CATSPER3: variants seen among roughly 807,000 people sequenced by gnomAD.
CATSPER3 encodes the protein cation channel sperm associated 3.
A neutral mutation model predicts 36.6 loss-of-function variants in CATSPER3; 23 were observed. The ratio of observed to expected loss-of-function variants is 0.63; its 90% CI spans 0.45 to 0.89. The LOEUF (loss-of-function observed/expected upper bound fraction) is 0.89. Ranked by LOEUF, CATSPER3 falls within the 40% of genes least tolerant of loss-of-function variation. The pLI, the probability that CATSPER3 is intolerant of heterozygous loss-of-function variation, is 0.00. For synonymous variants in CATSPER3, 172 were observed against 184.1 expected (o/e 0.93, Z 0.53); for missense variants, 474 against 503.9 (o/e 0.94, Z 0.57).
chr5:134,996,164 C>T, intron 2 of CATSPER3, 109 bp from the exon 3 acceptor site: 1 of 1,378,026 alleles, frequency 7.3e-7, no homozygotes, highest in Non-Finnish European at 1.0e-6. Flanking sequence ...GTTTCTCTCT[C>T]ATGTGGGTGA....
chr5:135,008,621 T>G (rs957174886), intron 4 of CATSPER3, among the ~76,000 whole-genome samples: 3 of 152,162 alleles, frequency 2.0e-5, no homozygotes, highest in African/African-American at 7.2e-5. Flanking sequence ...AAAAGAGACC[T>G]CGAGGCATGT....
At chr5:134,977,242 C>T (rs565693677) in intron 2 of CATSPER3, among the ~76,000 whole-genome samples, 24 of 152,324 alleles carry the variant, frequency 1.6e-4, no homozygotes, top group Non-Finnish European at 3.2e-4. Context: ...TACTGTGCTT[C>T]CCTTTTAAAT....
chr5:134,979,333 C>T (rs937623991), intron 2 of CATSPER3, among the ~76,000 whole-genome samples: 5 of 152,076 alleles, frequency 3.3e-5, no homozygotes, highest in South Asian at 2.1e-4. Flanking sequence ...GATGGGGTCT[C>T]GCTATGCTGC....
chr5:135,002,700 A>G (rs1033518720), intron 3 of CATSPER3, among the ~76,000 whole-genome samples: 7 of 152,128 alleles, frequency 4.6e-5, no homozygotes, highest in Admixed American at 1.3e-4. Flanking sequence ...CATTTCATTC[A>G]TTTGATCTTC....
intron 2 of CATSPER3, among the ~76,000 whole-genome samples, chr5:134,987,341 C>A (rs1751823642): frequency 6.6e-6 from 1 of 152,074 alleles, no homozygotes; most frequent in African/African-American, 2.4e-5. Flanking sequence ...AATCAGTAAT[C>A]AAAAACCTCC....
intron 3 of CATSPER3, among the ~76,000 whole-genome samples, chr5:134,999,673 G>A (rs892250659): frequency 1.3e-5 from 2 of 152,160 alleles, no homozygotes; most frequent in Admixed American, 1.3e-4. Flanking sequence ...TGAAGCAATT[G>A]TGAATGGGAG....
chr5:134,988,160 ATACTT>A (rs1561460645), intron 2 of CATSPER3, among the ~76,000 whole-genome samples: 4 of 152,340 alleles, frequency 2.6e-5, no homozygotes, highest in Non-Finnish European at 4.4e-5. Context: ...AAAAAAGTAT[ATACTT>A]TAATTTAAAA....
intron 7 of CATSPER3, among the ~76,000 whole-genome samples, 193 bp downstream of exon 7, chr5:135,010,723 CT>C (rs1026496577): frequency 2.0e-5 from 3 of 152,114 alleles, no homozygotes; most frequent in African/African-American, 7.2e-5. Flanking sequence ...CGGGCCATGG[CT>C]GGGGGGAATC....
At chr5:134,981,100 T>A (rs1368565366) in intron 2 of CATSPER3, among the ~76,000 whole-genome samples, 1 of 152,072 alleles carries the variant, frequency 6.6e-6, no homozygotes, top group Non-Finnish European at 1.5e-5. Flanking sequence ...CCTTCCTTCT[T>A]TTGTTTCTTC....
intron 1 of CATSPER3, chr5:134,968,343 A>G: frequency 2.2e-6 from 1 of 459,606 alleles, no homozygotes. Flanking sequence ...CTTTTTTTAT[A>G]ATAGACCCCA....
intron 2 of CATSPER3, among the ~76,000 whole-genome samples, chr5:134,981,098 C>G (rs1416526075): frequency 2.6e-5 from 4 of 151,326 alleles, no homozygotes; most frequent in Admixed American, 1.3e-4. Flanking sequence ...TCCCTTCCTT[C>G]TTTTGTTTCT....
intron 2 of CATSPER3, among the ~76,000 whole-genome samples, chr5:134,973,540 C>G (rs572329718): frequency 6.6e-6 from 1 of 152,194 alleles, no homozygotes; most frequent in East Asian, 1.9e-4. Context: ...AATTCCAGGT[C>G]TAGGGCAGGA....
chr5:134,980,997 G>A (rs1751743448), intron 2 of CATSPER3, among the ~76,000 whole-genome samples: 1 of 152,134 alleles, frequency 6.6e-6, no homozygotes, highest in Non-Finnish European at 1.5e-5. Context: ...TGGGATTCAG[G>A]CATGAGTTAC....
intron 1 of CATSPER3, chr5:134,969,680 G>A: frequency 2.0e-6 from 1 of 495,282 alleles, no homozygotes; most frequent in Non-Finnish European, 3.7e-6. Context: ...TTGTTTTGCT[G>A]GAGAAGGAGT....
Position 135,010,501 on chromosome 5 carries a change from T to C in CATSPER3, c.1065T>C (p.Thr355=), listed in dbSNP as rs1752167997. ...SLPFIDIYFS[T]LDYQDTTVHK... Reference sequence around the variant, plus strand: ...CCTTCATCGATATCTACTTTTCCACTCTGGACTACCAGGACACAACTGTCC... The same window carrying C: ...CCTTCATCGATATCTACTTTTCCACCCTGGACTACCAGGACACAACTGTCC... The change falls in exon 7 of 8, where the codon ACT becomes ACC. Residue 355 remains threonine (T), a synonymous_variant. Transcript: ENST00000282611. 6.2e-7 allele frequency: 1 copy of C among 1,614,176 alleles called. No individual in the cohort carries two copies. Among genetic ancestry groups the C allele is most frequent in the South Asian group, 1.1e-5 (1 of 91,088 alleles).
chr5:135,008,908 C>G lies in CATSPER3; in HGVS notation c.743C>G (p.Thr248Ser). 6.2e-7 allele frequency: 1 copy of G among 1,613,978 alleles called. No individual in the cohort carries two copies. Among genetic ancestry groups the G allele is most frequent in the Admixed American group, 1.7e-5 (1 of 60,034 alleles). Residue 248 changes from threonine (T) to serine (S), a missense_variant, in exon 5 of 8, where the codon ACC becomes AGC. Physicochemically the swap from Thr to Ser is moderately conservative, Grantham distance 58. Transcript: ENST00000282611. ...NREFALSRAF[T>S]IIFILLASFI... is the part of the protein sequence containing the mutation. ...GAATTTGCTTTGAGCCGGGCATTCA[C>G]CATCATCTTCATCTTGCTCGCCTCT...
At chr5:134,992,586 G>A (rs919878215) in intron 2 of CATSPER3, among the ~76,000 whole-genome samples, 31 of 152,130 alleles carry the variant, frequency 2.0e-4, no homozygotes, top group Non-Finnish European at 4.1e-4. Flanking sequence ...TTAGCCAGGT[G>A]TGTTGGTGGG....
At chr5:134,980,163 G>A (rs116937994) in intron 2 of CATSPER3, among the ~76,000 whole-genome samples, 21,066 of 151,484 alleles carry the variant, frequency 0.14, 1,718 homozygotes, top group East Asian at 0.26. Flanking sequence ...TTAATTTTTT[G>A]TAGAGATGGG....
At chr5:134,995,069 TGG>T (rs751692195) in intron 2 of CATSPER3, among the ~76,000 whole-genome samples, 2 of 152,024 alleles carry the variant, frequency 1.3e-5, no homozygotes, top group African/African-American at 2.4e-5. Context: ...GTACATATTT[TGG>T]GCTACTTGAT....
Sources: allele counts gnomAD v4.1 joint callset (sites outside exome capture counted in the v4.1 genomes callset), GRCh38; gene constraint gnomAD v4.1.1; transcripts MANE v1.5; gene names NCBI Gene and HGNC (gene_info 2026-07-23, HGNC 2026-07-21).